HTR7: variants seen among roughly 807,000 people sequenced by gnomAD.
HTR7 encodes the protein 5-HT-7.
A neutral mutation model predicts 34.0 loss-of-function variants in HTR7; 16 were observed. The observed-to-expected ratio is 0.47, with a 90% CI of 0.32 to 0.71. HTR7 has a LOEUF of 0.71. HTR7 is among the 30% of genes least tolerant of loss of function. The pLI is 0.04. For synonymous variants in HTR7, 265 were observed against 260.2 expected (o/e 1.02, Z -0.18); for missense variants, 504 against 625.5 (o/e 0.81, Z 2.07).
At chr10:90,856,074 G>C in intron 1 of HTR7, among the ~76,000 whole-genome samples, 1 of 150,510 alleles carries the variant, frequency 6.6e-6, no homozygotes, top group Non-Finnish European at 1.5e-5. Context: ...AAGTGTGGAG[G>C]CATCAATTAT....
chr10:90,837,425 C>T (rs1211954862), intron 1 of HTR7, among the ~76,000 whole-genome samples: 3 of 152,196 alleles, frequency 2.0e-5, no homozygotes, highest in Non-Finnish European at 4.4e-5. Context: ...CCTCTGCCTT[C>T]ATGAATGGAT....
rs956469672 is a variant in HTR7, at chr10:90,824,275, A to G, written c.539+32858T>C. ...CATTTCCAGACACACATTGGGTCAG[A>G]AGGGAAAACACTGTCTTGAAGGAAA... On this transcript the variant is annotated intron_variant, in intron 1 of 3. Transcript: ENST00000336152. 1.3e-5 allele frequency among the ~76,000 whole-genome samples: 2 copies of G among 152,246 alleles called. 1 individual carries two copies. The highest frequency in any genetic ancestry group is 4.1e-4 in the South Asian group (2 of 4,836).
At chr10:90,750,674 T>C (rs780304219) in intron 1 of HTR7, among the ~76,000 whole-genome samples, 12 of 152,220 alleles carry the variant, frequency 7.9e-5, no homozygotes, top group Non-Finnish European at 1.6e-4. Flanking sequence ...CAACAGGTTA[T>C]TTTCTGAAAG....
intron 1 of HTR7, among the ~76,000 whole-genome samples, chr10:90,856,195 C>G (rs1158954251): frequency 3.3e-5 from 5 of 152,174 alleles, no homozygotes; most frequent in Non-Finnish European, 1.5e-5. Flanking sequence ...TCTTGAAACA[C>G]CGGCAAAATT....
intron 1 of HTR7, among the ~76,000 whole-genome samples, chr10:90,776,872 G>A (rs1391119138): frequency 1.3e-5 from 2 of 149,010 alleles, no homozygotes; most frequent in African/African-American, 5.0e-5. Context: ...CATAATAGCT[G>A]TCCACATACA....
At chr10:90,775,534 A>C (rs1233624060) in intron 1 of HTR7, among the ~76,000 whole-genome samples, 1 of 152,214 alleles carries the variant, frequency 6.6e-6, no homozygotes, top group South Asian at 2.1e-4. Context: ...GGGAAAGGGA[A>C]GTGATACATT....
At chr10:90,744,284 T>G (rs1844601524) in intron 2 of HTR7, among the ~76,000 whole-genome samples, 1 of 149,706 alleles carries the variant, frequency 6.7e-6, no homozygotes, top group Non-Finnish European at 1.5e-5. Flanking sequence ...ATTAAAAGCT[T>G]CCAGAGACTT....
intron 1 of HTR7, among the ~76,000 whole-genome samples, chr10:90,771,353 G>A (rs748450665): frequency 2.0e-5 from 3 of 152,182 alleles, no homozygotes; most frequent in Admixed American, 6.5e-5. Context: ...ACCAAATGGC[G>A]AGGCTAAAAG....
intron 1 of HTR7, among the ~76,000 whole-genome samples, chr10:90,815,592 G>A (rs1845886785): frequency 6.6e-6 from 1 of 152,206 alleles, no homozygotes; most frequent in African/African-American, 2.4e-5. Context: ...CTGAGGGAGA[G>A]CATTGGGAAG....
chr10:90,836,574 T>C (rs186775216), intron 1 of HTR7, among the ~76,000 whole-genome samples: 1 of 152,280 alleles, frequency 6.6e-6, no homozygotes, highest in Admixed American at 6.5e-5. Context: ...TACAGTGGTA[T>C]GACACACCTC....
intron 1 of HTR7, among the ~76,000 whole-genome samples, chr10:90,792,304 C>G (rs1461536125): frequency 6.6e-6 from 1 of 152,062 alleles, no homozygotes; most frequent in African/African-American, 2.4e-5. Flanking sequence ...ATGAAGAATA[C>G]AGCCTGTAAT....
intron 1 of HTR7, among the ~76,000 whole-genome samples, chr10:90,854,371 C>T (rs1299000750): frequency 6.6e-6 from 1 of 151,410 alleles, no homozygotes; most frequent in Non-Finnish European, 1.5e-5. Context: ...CTCACTCCCC[C>T]CAAAAAAACA....
chr10:90,852,739 C>T (rs780162543), intron 1 of HTR7, among the ~76,000 whole-genome samples: 15 of 152,072 alleles, frequency 9.9e-5, no homozygotes, highest in Admixed American at 6.5e-5. Flanking sequence ...AAATAGAAGC[C>T]AGATTCAAAA....
intron 1 of HTR7, among the ~76,000 whole-genome samples, chr10:90,775,951 A>G (rs996912479): frequency 6.6e-6 from 1 of 152,260 alleles, no homozygotes; most frequent in African/African-American, 2.4e-5. Context: ...AAGTGAAATT[A>G]ATTTTAATAA....
At chr10:90,809,385 C>A (rs1300751137) in intron 1 of HTR7, among the ~76,000 whole-genome samples, 2 of 152,202 alleles carry the variant, frequency 1.3e-5, no homozygotes, top group Non-Finnish European at 2.9e-5. Flanking sequence ...ACTCGTTTGG[C>A]AGCAACCCTG....
intron 1 of HTR7, among the ~76,000 whole-genome samples, chr10:90,852,870 G>A (rs1846521529): frequency 6.6e-6 from 1 of 152,112 alleles, no homozygotes; most frequent in Non-Finnish European, 1.5e-5. Flanking sequence ...AAGGAGAGGA[G>A]GGGACCTCTG....
chr10:90,813,560 C>T (rs1327474840), intron 1 of HTR7, among the ~76,000 whole-genome samples: 8 of 151,684 alleles, frequency 5.3e-5, no homozygotes, highest in South Asian at 2.1e-4. Flanking sequence ...AGTGAGGGTT[C>T]GGGAGTCCTT....
intron 1 of HTR7, among the ~76,000 whole-genome samples, chr10:90,760,268 C>T (rs571865850): frequency 1.4e-4 from 21 of 152,240 alleles, no homozygotes; most frequent in Admixed American, 9.8e-4. Flanking sequence ...AAGTTAAACA[C>T]CACATGTTCT....
At chr10:90,764,360 C>CTCTA (rs1844985388) in intron 1 of HTR7, among the ~76,000 whole-genome samples, 1 of 152,072 alleles carries the variant, frequency 6.6e-6, no homozygotes, top group Non-Finnish European at 1.5e-5. Flanking sequence ...GGATATTAGA[C>CTCTA]CCTTGTCAGA....
Sources: allele counts gnomAD v4.1 joint callset (sites outside exome capture counted in the v4.1 genomes callset), GRCh38; gene constraint gnomAD v4.1.1; transcripts MANE v1.5; gene names NCBI Gene and HGNC (gene_info 2026-07-23, HGNC 2026-07-21).